KIF1B: variants seen among roughly 807,000 people sequenced by gnomAD.
KIF1B encodes kinesin family member 1B.
A neutral mutation model predicts 241.9 loss-of-function variants in KIF1B; 76 were observed. That is an observed-to-expected ratio of 0.31 (90% CI 0.26 to 0.38). The LOEUF (loss-of-function observed/expected upper bound fraction) is 0.38. Among genes scored for constraint, KIF1B ranks in the 10% least tolerant of loss-of-function variants. The probability of loss-of-function intolerance (pLI) is 1.00; values close to 1 mark genes in which losing one functional copy is unlikely to be tolerated. For missense variants in KIF1B, 1,622 were observed against 2,271.4 expected (o/e 0.71, Z 5.81); for synonymous variants, 750 against 796.7 (o/e 0.94, Z 0.99).
At chr1:10,239,708 A>G (rs558172643) in intron 2 of KIF1B, among the ~76,000 whole-genome samples, 7 of 151,014 alleles carry the variant, frequency 4.6e-5, no homozygotes, top group African/African-American at 1.7e-4. Flanking sequence ...CCCGGCTTCA[A>G]GGGATTCTCC....
In KIF1B at chr1:10,320,144, C is replaced by G. The variant is rs1651463941; in HGVS notation, c.2209+8C>G. The G allele has an allele frequency of 6.3e-7, 1 of 1,593,310 alleles. No individual in the cohort carries two copies. The highest frequency in any genetic ancestry group is 1.3e-5 in the African/African-American group (1 of 74,684). ...AGGAAGAAGAGGAAGAAGGTGAAATCTAGAGACCGAAAGTTTCCTGTGTAT... is the reference window on the plus strand; with the variant it reads ...AGGAAGAAGAGGAAGAAGGTGAAATGTAGAGACCGAAAGTTTCCTGTGTAT... On this transcript the variant is annotated splice_region_variant and intron_variant, in intron 23 of 48. Coordinates refer to ENST00000676179, the MANE Select transcript of KIF1B (RefSeq NM_001365951.3).
At chr1:10,318,486 C>T (rs142911334) in intron 22 of KIF1B, among the ~76,000 whole-genome samples, 2,907 of 151,582 alleles carry the variant, frequency 0.019, 50 homozygotes, top group Non-Finnish European at 0.028. Flanking sequence ...CTTTGGGAGG[C>T]CAAGGTGGGC....
intron 1 of KIF1B, among the ~76,000 whole-genome samples, chr1:10,221,142 G>A (rs115223916): frequency 0.019 from 2,588 of 132,876 alleles, 36 homozygotes; most frequent in Non-Finnish European, 0.028. Context: ...CTGTCACTGA[G>A]GCTGGAGTGT....
chr1:10,334,546 T>C lies in KIF1B; in HGVS notation c.2951T>C (p.Leu984Pro). Residue 984 changes from leucine to proline, a missense_variant, in exon 28 of 49, where the codon CTG (leucine) becomes CCG (proline). Physicochemically the swap from Leu to Pro is moderately conservative, Grantham distance 98. Transcript: ENST00000676179. ...GCATTTGTTTACCTGAGCAATCTGCTGTATCCCGTGCCCCTGATCCACAGG... is the reference window on the plus strand; with the variant it reads ...GCATTTGTTTACCTGAGCAATCTGCCGTATCCCGTGCCCCTGATCCACAGG... ...GRAFVYLSNL[L>P]YPVPLIHRVA... 2.5e-6 allele frequency: 4 copies of C among 1,614,022 alleles called. No homozygotes were observed. The highest frequency in any genetic ancestry group is 3.4e-6 in the Non-Finnish European group (4 of 1,179,862).
chr1:10,214,328 C>T (rs1257912720), intron 1 of KIF1B, among the ~76,000 whole-genome samples: 5 of 151,834 alleles, frequency 3.3e-5, no homozygotes, highest in South Asian at 2.1e-4. Flanking sequence ...CTCGCCCTGT[C>T]ACCCAGGCTG....
chr1:10,269,489 T>G (rs1260309396), intron 7 of KIF1B, among the ~76,000 whole-genome samples: 1 of 141,060 alleles, frequency 7.1e-6, no homozygotes, highest in Non-Finnish European at 1.5e-5. Context: ...CACTCCAGCA[T>G]GGGTGACAGA....
chr1:10,250,953 A>G (rs1647406197), intron 2 of KIF1B, among the ~76,000 whole-genome samples: 1 of 152,112 alleles, frequency 6.6e-6, no homozygotes, highest in African/African-American at 2.4e-5. Context: ...ACCTGAGGTA[A>G]GGATCCTGTT....
At position 10,337,055 on chromosome 1, in the gene KIF1B, G is replaced by A. The variant is rs2102315695; in HGVS notation, c.3130-19G>A. 6.2e-7 allele frequency: 1 copy of A among 1,614,010 alleles called. No homozygotes were observed. The highest frequency in any genetic ancestry group is 8.5e-7 in the Non-Finnish European group (1 of 1,179,998). ...TTTTATACTACTTTACCATGTATCT[G>A]CCCCTGCCTTTTTTTCAGAGTGACT... On this transcript the variant is annotated intron_variant, in intron 29 of 48. Coordinates refer to ENST00000676179, the MANE Select transcript of KIF1B (RefSeq NM_001365951.3). This position sits in a 1 kb window ranked among gnomAD's most constrained non-coding sequence, Gnocchi z 4.0.
At chr1:10,319,989 C>T in intron 22 of KIF1B, 54 bp from the exon 23 acceptor site, 1 of 1,162,626 alleles carries the variant, frequency 8.6e-7, no homozygotes, top group Non-Finnish European at 1.3e-6. Flanking sequence ...TTCTCTTTCC[C>T]TGCCCTCTTA....
chr1:10,374,356 GA>G lies in KIF1B; in HGVS notation c.4989del (p.Glu1663AspfsTer100). On this transcript the variant is annotated frameshift_variant, in exon 46 of 49. Transcript: ENST00000676179. LOFTEE classifies it high-confidence loss of function. This position sits in a 1 kb window ranked among gnomAD's most constrained non-coding sequence, Gnocchi z 4.3. ...ANSRASSPCP[E>X]FEQFQIVPAV... ...TTCCCGGGCCTCTAGTCCCTGCCCA[GA>G]ATTTGAACAGTTTCAGATTGTCCCA... 1 of 1,614,170 alleles carries G rather than the reference GA, an allele frequency of 6.2e-7. No homozygotes were observed. The highest frequency in any genetic ancestry group is 8.5e-7 in the Non-Finnish European group (1 of 1,180,010).
chr1:10,337,459 C>G lies in KIF1B; in HGVS notation c.3348C>G (p.Ala1116=). ...GCAACCACCTGAAACTGGGCAGTGC[C>G]TTCACTTTCCGAGTAACAGTGTTGC... ...EIGNHLKLGS[A]FTFRVTVLQA... Residue 1116 remains alanine, a synonymous_variant, in exon 31 of 49, where the codon GCC becomes GCG. Transcript: ENST00000676179. This position sits in a 1 kb window ranked among gnomAD's most constrained non-coding sequence, Gnocchi z 4.0. 2 of 1,614,182 alleles carry G rather than the reference C, an allele frequency of 1.2e-6. No homozygotes were observed. Among genetic ancestry groups the G allele is most frequent in the Non-Finnish European group, 8.5e-7 (1 of 1,180,022 alleles).
chr1:10,337,509 A>G lies in KIF1B; in HGVS notation c.3398A>G (p.Tyr1133Cys), dbSNP rs2297881. 0.026 allele frequency: 42,554 copies of G among 1,614,184 alleles called. 752 individuals are homozygous for G. The highest frequency in any genetic ancestry group is 0.084 in the Middle Eastern group (508 of 6,062). ...CAGGCCAGTGGAATCCTCCCAGAGT[A>G]TGCAGATATCTTCTGTCAGTTCAAG... is the stretch of plus-strand genomic sequence containing the variant. The part of the protein sequence containing the change: ...VLQASGILPE[Y>C]ADIFCQFNFL... The change falls in exon 31 of 49, where the codon TAT becomes TGT. Residue 1133 changes from tyrosine to cysteine, a missense_variant. Around this residue, in one of 7 missense-constraint regions of KIF1B, gnomAD observed 803 missense variants for 1,112.0 expected, o/e 0.72. Coordinates refer to ENST00000676179, the MANE Select transcript of KIF1B (RefSeq NM_001365951.3). This position sits in a 1 kb window ranked among gnomAD's most constrained non-coding sequence, Gnocchi z 4.0.
At chr1:10,273,737 A>C (rs1648944222) in intron 10 of KIF1B, among the ~76,000 whole-genome samples, 2 of 84,986 alleles carry the variant, frequency 2.4e-5, no homozygotes, top group African/African-American at 6.4e-5. Context: ...AAAAAAAAAA[A>C]AACCCAACAA....
At chr1:10,323,255 A>G (rs1433982612) in intron 24 of KIF1B, among the ~76,000 whole-genome samples, 1 of 152,178 alleles carries the variant, frequency 6.6e-6, no homozygotes, top group Non-Finnish European at 1.5e-5. Context: ...GTGAGGGACT[A>G]GATATGCATT....
intron 4 of KIF1B, among the ~76,000 whole-genome samples, chr1:10,260,745 T>A (rs1648088167): frequency 6.6e-6 from 1 of 151,570 alleles, no homozygotes; most frequent in Non-Finnish European, 1.5e-5. Context: ...CGCATGCCTG[T>A]AATCCCAGCT....
At chr1:10,362,997 A>G (rs569897374) in intron 40 of KIF1B, among the ~76,000 whole-genome samples, 2 of 152,088 alleles carry the variant, frequency 1.3e-5, no homozygotes, top group Admixed American at 1.3e-4. Flanking sequence ...ACATTAGTCC[A>G]GGAGTTCGAG....
In KIF1B at chr1:10,365,886, C is replaced by T. The variant is rs148694519; in HGVS notation, c.4752+238C>T. Reference sequence around the variant, plus strand: ...CTGAAGCAAAGGGATTGCTTGAGCCCAGGAGTTAAAGACAAGCCCAGGCTA... The same window carrying T: ...CTGAAGCAAAGGGATTGCTTGAGCCTAGGAGTTAAAGACAAGCCCAGGCTA... On this transcript the variant is annotated intron_variant, in intron 43 of 48. Coordinates refer to ENST00000676179, the MANE Select transcript of KIF1B (RefSeq NM_001365951.3). The surrounding 1 kb of genome is among the most constrained non-coding windows in gnomAD (Gnocchi z 4.0). Among the ~76,000 whole-genome samples, 51 of 152,134 alleles carry T rather than the reference C, an allele frequency of 3.4e-4. No individual in the cohort carries two copies. The highest frequency in any genetic ancestry group is 6.5e-4 in the Non-Finnish European group (44 of 68,028).
chr1:10,363,243 C>CT (rs1314320645), intron 40 of KIF1B, 40 bp from the exon 41 acceptor site: 3 of 1,513,350 alleles, frequency 2.0e-6, no homozygotes. Flanking sequence ...TGTTTTTGTG[C>CT]TTTAAGAGAT....
At chr1:10,246,204 G>T (rs948002097) in intron 2 of KIF1B, among the ~76,000 whole-genome samples, 1 of 152,056 alleles carries the variant, frequency 6.6e-6, no homozygotes, top group Non-Finnish European at 1.5e-5. Context: ...ACCCAGAGTG[G>T]CTCCTCCTTT....
Sources: gnomAD v4.1 joint callset for allele counts (sites outside exome capture counted in the v4.1 genomes callset) on GRCh38, gnomAD v4.1.1 for gene constraint, gnomAD v4.1.1 regional missense constraint, Gnocchi (gnomAD v3.1) non-coding constraint, MANE v1.5 for transcripts, NCBI Gene and HGNC (gene_info 2026-07-23, HGNC 2026-07-21) for gene names.